The following UVSSA variants were observed in gnomAD, a reference collection of about 807,000 sequenced individuals.
UVSSA encodes UV-stimulated scaffold protein A.
UVSSA carries 72 observed loss-of-function variants against 73.9 expected under a neutral mutation model. The observed-to-expected ratio is 0.97, with a 90% CI of 0.81 to 1.19. UVSSA has a LOEUF of 1.19. UVSSA is among the 50% of genes most tolerant of loss of function. UVSSA has a pLI of 0.00. For missense variants in UVSSA, 1,150 were observed against 965.0 expected, an observed-to-expected ratio of 1.19 and a Z score of -2.54; for synonymous variants, 454 against 391.3, an observed-to-expected ratio of 1.16 and a Z score of -1.89.
chr4:1,354,863 G>C lies in UVSSA; in HGVS notation c.1047+16G>C. The C allele has an allele frequency of 6.3e-7, 1 of 1,575,758 alleles. No individual in the cohort carries two copies. The highest frequency in any genetic ancestry group is 2.3e-5 in the East Asian group (1 of 43,496). ...GTGGATCCAGGTGAGCCTCGAACCT[G>C]GGACCTGTGGGTGGAGGGACGTGTG... On this transcript the variant is annotated intron_variant, in intron 6 of 13. Coordinates refer to ENST00000389851, the MANE Select transcript of UVSSA (RefSeq NM_020894.4).
intron 11 of UVSSA, chr4:1,380,535 A>G: frequency 9.6e-7 from 1 of 1,042,596 alleles, no homozygotes; most frequent in East Asian, 2.8e-5. Context: ...TGGGCCTGGG[A>G]TCCTCAAAAG....
rs760950253 is a variant in UVSSA, at chr4:1,380,866, T to C, written c.1753-14T>C. 6.2e-7 allele frequency: 1 copy of C among 1,609,258 alleles called. No homozygotes were observed. Among genetic ancestry groups the C allele is most frequent in the African/African-American group, 1.3e-5 (1 of 74,876 alleles). On this transcript the variant is annotated splice_polypyrimidine_tract_variant and intron_variant, in intron 11 of 13. Coordinates refer to ENST00000389851, the MANE Select transcript of UVSSA (RefSeq NM_020894.4). ...CCCCTCCCCGCCATCAGCCACCGTG[T>C]CCTCGCTGTGCAGTGCCCTTTCCAT...
At chr4:1,343,317 A>G (rs953844050), upstream of UVSSA, among the ~76,000 whole-genome samples, 6 of 152,136 alleles carry the variant, frequency 3.9e-5, no homozygotes, top group African/African-American at 1.4e-4. Context: ...CATCAGTCCT[A>G]TCAGATGAGG....
chr4:1,377,037 A>G (rs938617637), intron 10 of UVSSA, among the ~76,000 whole-genome samples: 6 of 152,166 alleles, frequency 3.9e-5, no homozygotes, highest in Non-Finnish European at 7.4e-5. Flanking sequence ...GCCTGTGCAA[A>G]CACCGTAACC....
At chr4:1,395,498 G>C in exon 14 of UVSSA, 1 of 1,601,450 alleles carries the variant, frequency 6.2e-7, no homozygotes. Context: ...ATTGTGGAGT[G>C]CCCGCCTGCT....
intron 13 of UVSSA, 113 bp downstream of exon 13, chr4:1,384,053 C>T: frequency 7.5e-7 from 1 of 1,337,530 alleles, no homozygotes; most frequent in Non-Finnish European, 9.9e-7. Flanking sequence ...TCCAGGGGCT[C>T]CCCTGCTTTG....
chr4:1,387,975 G>T lies in UVSSA; in HGVS notation c.*2014G>T, dbSNP rs1446059579. ...AAAAAAAAAAGCAGCTGAGATTTTT[G>T]ATAGGAATTACATTAAATCTAGAGA... is the stretch of plus-strand genomic sequence containing the variant. On this transcript the variant is annotated 3_prime_UTR_variant, in exon 14 of 14. Transcript: ENST00000389851. 3.4e-5 allele frequency: 5 copies of T among 147,934 alleles called. No homozygotes were observed. The highest frequency in any genetic ancestry group is 9.9e-5 in the African/African-American group (4 of 40,426). 9.2% of individuals were successfully genotyped at this position (147,934 alleles called of 1,614,324 possible).
chr4:1,351,050 C>CCGT (rs1438668329), intron 3 of UVSSA, among the ~76,000 whole-genome samples: 1 of 152,024 alleles, frequency 6.6e-6, no homozygotes, highest in East Asian at 1.9e-4. Context: ...GGACTACAGG[C>CCGT]ACACGCCACC....
At chr4:1,383,686 A>G (rs982343833) in intron 12 of UVSSA, 80 bp from the exon 13 acceptor site, 2 of 1,571,792 alleles carry the variant, frequency 1.3e-6, no homozygotes, top group African/African-American at 2.7e-5. Flanking sequence ...GACGAGACCA[A>G]GAGCCCCTCC....
At chr4:1,374,088 C>T (rs763157494) in intron 8 of UVSSA, among the ~76,000 whole-genome samples, 7 of 152,208 alleles carry the variant, frequency 4.6e-5, no homozygotes, top group Non-Finnish European at 8.8e-5. Context: ...TGGATTCCGC[C>T]GGGGCCAGGA....
upstream of UVSSA, among the ~76,000 whole-genome samples, chr4:1,344,644 CT>C (rs1010687565): frequency 6.6e-6 from 1 of 152,188 alleles, no homozygotes; most frequent in Non-Finnish European, 1.5e-5. Context: ...TGAGCACCTG[CT>C]TTTTGTCTGG....
intron 3 of UVSSA, 68 bp downstream of exon 3, chr4:1,349,922 G>C: frequency 7.3e-7 from 1 of 1,375,660 alleles, no homozygotes; most frequent in Non-Finnish European, 9.6e-7. Context: ...CGATACCAGG[G>C]TGAAGATGCG....
intron 11 of UVSSA, chr4:1,380,642 CT>C: frequency 2.6e-6 from 4 of 1,523,914 alleles, no homozygotes; most frequent in Non-Finnish European, 8.8e-7. Context: ...GAGGCCTAGA[CT>C]TTCCACAGCT....
chr4:1,359,651 A>T (rs1293559039), intron 7 of UVSSA, among the ~76,000 whole-genome samples: 3 of 151,960 alleles, frequency 2.0e-5, no homozygotes, highest in African/African-American at 7.3e-5. Context: ...GTTGAGTCTG[A>T]TGTGGCAGCC....
intron 8 of UVSSA, among the ~76,000 whole-genome samples, chr4:1,371,256 C>CTGTGTGTGTGTGTG (rs34839757): frequency 8.2e-4 from 120 of 146,620 alleles, no homozygotes; most frequent in South Asian, 4.4e-3. Context: ...GTGGGTGGAC[C>CTGTGTGTGTGTGTG]TGTGTGTGTG....
intron 8 of UVSSA, among the ~76,000 whole-genome samples, chr4:1,374,408 G>A (rs929492418): frequency 3.9e-5 from 6 of 152,258 alleles, no homozygotes; most frequent in Admixed American, 6.5e-5. Context: ...TGAGCCCCAC[G>A]GAGCAGCCTG....
intron 5 of UVSSA, 135 bp from the exon 6 acceptor site, chr4:1,354,600 T>A (rs1715364709): frequency 1.5e-6 from 1 of 687,836 alleles, no homozygotes; most frequent in African/African-American, 1.8e-5. Flanking sequence ...AGGTTTGGGA[T>A]TCCCGGGGGC....
In UVSSA at chr4:1,365,437, G is replaced by A. The variant is rs144330813; in HGVS notation, c.1177-883G>A. Among the ~76,000 whole-genome samples the A allele has an allele frequency of 3.3e-3, 501 of 152,332 alleles. 3 individuals carry two copies. The highest frequency in any genetic ancestry group is 0.011 in the African/African-American group (469 of 41,570). On this transcript the variant is annotated intron_variant, in intron 7 of 13. Transcript: ENST00000389851. ...CCTGCCTCTGCCCACTAAGTCGGGC[G>A]CAGGAAGGGGCAGGGTGGGCTCAAG...
chr4:1,367,458 G>A (rs1306669569), intron 8 of UVSSA, among the ~76,000 whole-genome samples: 1 of 152,226 alleles, frequency 6.6e-6, no homozygotes, highest in East Asian at 1.9e-4. Context: ...CATGTGTGAA[G>A]ATATGACCCA....
Sources: allele counts gnomAD v4.1 joint callset (sites outside exome capture counted in the v4.1 genomes callset), GRCh38; gene constraint gnomAD v4.1.1; transcripts MANE v1.5; gene names NCBI Gene and HGNC (gene_info 2026-07-23, HGNC 2026-07-21).